ATP8B4: variants seen among roughly 807,000 people sequenced by gnomAD.
The protein encoded by ATP8B4 is ATPase phospholipid transporting 8B4 (putative), also known as probable phospholipid-transporting ATPase IM.
In ATP8B4, 133 loss-of-function variants were observed where a neutral mutation model predicts 145.6. The observed-to-expected ratio is 0.91, with a 90% CI of 0.79 to 1.05. The LOEUF is 1.05. ATP8B4 is among the 50% of genes least tolerant of loss of function. The pLI is 0.00. For missense variants in ATP8B4, 1,458 were observed against 1,425.2 expected (o/e 1.02, Z -0.37); for synonymous variants, 507 against 492.9 (o/e 1.03, Z -0.38).
At chr15:49,976,750 T>C (rs922003199) in intron 12 of ATP8B4, among the ~76,000 whole-genome samples, 3 of 152,156 alleles carry the variant, frequency 2.0e-5, no homozygotes, top group Non-Finnish European at 2.9e-5. Context: ...TCGTTTTTGT[T>C]TGGGAAAAGA....
chr15:50,113,957 C>G (rs2057072761), intron 1 of ATP8B4, among the ~76,000 whole-genome samples: 1 of 150,978 alleles, frequency 6.6e-6, no homozygotes, highest in South Asian at 2.1e-4. Flanking sequence ...TAACATACAG[C>G]AGGTTAATTG....
At chr15:50,125,840 T>C (rs2057303759) in intron 1 of ATP8B4, among the ~76,000 whole-genome samples, 1 of 152,222 alleles carries the variant, frequency 6.6e-6, no homozygotes, top group Non-Finnish European at 1.5e-5. Flanking sequence ...CTGCCTCTTC[T>C]TTTCTTTAAA....
At chr15:50,020,663 C>T (rs1478554824) in intron 6 of ATP8B4, among the ~76,000 whole-genome samples, 3 of 152,152 alleles carry the variant, frequency 2.0e-5, no homozygotes, top group Non-Finnish European at 4.4e-5. Context: ...AAACCACCAC[C>T]ACCACCACAT....
intron 1 of ATP8B4, among the ~76,000 whole-genome samples, chr15:50,125,463 T>A (rs2057301051): frequency 6.6e-6 from 1 of 152,196 alleles, no homozygotes; most frequent in South Asian, 2.1e-4. Flanking sequence ...GACATGTCTC[T>A]GGGACATTTC....
chr15:50,059,661 C>T (rs1198651631), intron 3 of ATP8B4, among the ~76,000 whole-genome samples: 3 of 152,194 alleles, frequency 2.0e-5, no homozygotes, highest in Admixed American at 6.5e-5. Flanking sequence ...TTTCCCGATT[C>T]ACTCCATCTG....
At chr15:49,921,474 C>T (rs924728213) in intron 17 of ATP8B4, among the ~76,000 whole-genome samples, 16 of 152,092 alleles carry the variant, frequency 1.1e-4, no homozygotes, top group African/African-American at 3.4e-4. Context: ...CTCACACAGC[C>T]ATAGTAACTA....
intron 6 of ATP8B4, among the ~76,000 whole-genome samples, chr15:50,012,561 T>G (rs139573420): frequency 9.9e-5 from 15 of 152,240 alleles, no homozygotes; most frequent in African/African-American, 3.4e-4. Context: ...TTGGACACAC[T>G]TTTCAGGTTT....
In ATP8B4 at chr15:49,862,292, C is replaced by T. The variant is rs777029440; in HGVS notation, c.3250G>A (p.Ala1084Thr). The T allele has an allele frequency of 6.2e-7, 1 of 1,613,664 alleles. No individual in the cohort carries two copies. Among genetic ancestry groups the T allele is most frequent in the East Asian group, 2.2e-5 (1 of 44,816 alleles). Residue 1084 changes from alanine to threonine, a missense_variant, in exon 27 of 28, where the codon GCA (alanine) becomes ACA (threonine). Physicochemically the swap from Ala to Thr is moderately conservative, Grantham distance 58. Transcript: ENST00000284509. ...AAATCCACCTTCAAAAATCTGAATGCCACCACTGGCATAACTGAAGCCACT... is the reference window on the plus strand; with the variant it reads ...AAATCCACCTTCAAAAATCTGAATGTCACCACTGGCATAACTGAAGCCACT... ...TTVASVMPVV[A>T]FRFLKVDLYP...
At chr15:50,006,345 T>C (rs1599761559) in intron 7 of ATP8B4, among the ~76,000 whole-genome samples, 1 of 150,824 alleles carries the variant, frequency 6.6e-6, no homozygotes, top group Non-Finnish European at 1.5e-5. Context: ...CATATAAATA[T>C]GACAAATAGA....
At position 50,089,942 on chromosome 15, in the gene ATP8B4, A is replaced by T. The variant is rs181465049; in HGVS notation, c.29-15757T>A. Among the ~76,000 whole-genome samples the T allele has an allele frequency of 2.1e-4, 32 of 152,300 alleles. No homozygotes were observed. The East Asian group carries it at 6.2e-3, about 29-fold the overall frequency. On this transcript the variant is annotated intron_variant, in intron 2 of 27. Transcript: ENST00000284509. ...GTTCATTGCAGCACTATTCACAATG[A>T]CAAAGACATAGAATCAACCCAAATG...
At chr15:50,080,499 T>C (rs1321038914) in intron 2 of ATP8B4, among the ~76,000 whole-genome samples, 1 of 152,064 alleles carries the variant, frequency 6.6e-6, no homozygotes, top group Admixed American at 6.5e-5. Context: ...GTCTTTCCAT[T>C]TGGAAAGGAA....
At chr15:49,894,061 C>G (rs2037122970) in intron 23 of ATP8B4, among the ~76,000 whole-genome samples, 1 of 152,324 alleles carries the variant, frequency 6.6e-6, no homozygotes, top group Admixed American at 6.5e-5. Context: ...TCCTCTCCAA[C>G]AGGTGATAAG....
At chr15:50,043,043 C>T (rs2051425967) in intron 5 of ATP8B4, among the ~76,000 whole-genome samples, 1 of 152,168 alleles carries the variant, frequency 6.6e-6, no homozygotes, top group Non-Finnish European at 1.5e-5. Context: ...ACTATATATG[C>T]TGTCTACAAG....
chr15:49,863,570 A>T (rs1358724105), intron 26 of ATP8B4, among the ~76,000 whole-genome samples: 1 of 152,032 alleles, frequency 6.6e-6, no homozygotes, highest in Non-Finnish European at 1.5e-5. Flanking sequence ...CCACCATTCA[A>T]ATGCGCTTTG....
chr15:49,926,308 T>G (rs1389898082), intron 16 of ATP8B4, among the ~76,000 whole-genome samples: 2 of 152,134 alleles, frequency 1.3e-5, no homozygotes, highest in Non-Finnish European at 2.9e-5. Flanking sequence ...TCACCATCCA[T>G]TCAGTCTCCC....
intron 3 of ATP8B4, among the ~76,000 whole-genome samples, chr15:50,058,278 C>T (rs978772841): frequency 2.6e-5 from 4 of 152,134 alleles, no homozygotes; most frequent in African/African-American, 9.7e-5. Flanking sequence ...TCAGAGTGGG[C>T]ATTTCTTTGA....
intron 14 of ATP8B4, among the ~76,000 whole-genome samples, chr15:49,950,590 T>TAAAAA (rs766902500): frequency 8.2e-4 from 38 of 46,242 alleles, no homozygotes; most frequent in African/African-American, 1.9e-3. Context: ...ATGTATTAAC[T>TAAAAA]AAAAAAAAAA....
chr15:50,099,084 T>A (rs558393862), intron 2 of ATP8B4, among the ~76,000 whole-genome samples: 7 of 152,038 alleles, frequency 4.6e-5, no homozygotes, highest in Non-Finnish European at 8.8e-5. Context: ...ATAAACATAC[T>A]AAGGCAGTAA....
At chr15:50,142,665 G>A (rs1248083393) in intron 1 of ATP8B4, among the ~76,000 whole-genome samples, 1 of 152,200 alleles carries the variant, frequency 6.6e-6, no homozygotes. Context: ...GTTTAAGGTA[G>A]TAATGAAAAG....
Sources: allele counts gnomAD v4.1 joint callset (sites outside exome capture counted in the v4.1 genomes callset), GRCh38; gene constraint gnomAD v4.1.1; transcripts MANE v1.5; gene names NCBI Gene and HGNC (gene_info 2026-07-23, HGNC 2026-07-21).